Variants in FADS2 observed in about 807,000 individuals in gnomAD.
The protein encoded by FADS2 is fatty acid desaturase 2.
A neutral mutation model predicts 61.2 loss-of-function variants in FADS2; 18 were observed. The ratio of observed to expected loss-of-function variants is 0.29; its 90% CI spans 0.20 to 0.44. The LOEUF (loss-of-function observed/expected upper bound fraction) is 0.44, where lower values mean the gene tolerates loss of function less well. Among genes scored for constraint, FADS2 ranks in the 20% least tolerant of loss-of-function variants. The pLI, the probability that FADS2 is intolerant of heterozygous loss-of-function variation, is 1.00. For synonymous variants in FADS2, 203 were observed against 223.9 expected (o/e 0.91, Z 0.83); for missense variants, 322 against 572.7 (o/e 0.56, Z 4.47).
intron 1 of FADS2, among the ~76,000 whole-genome samples, chr11:61,831,382 C>T (rs1030753728): frequency 1.3e-5 from 2 of 152,142 alleles, no homozygotes; most frequent in African/African-American, 4.8e-5. Flanking sequence ...GTTCTGAGCC[C>T]ATCACAGTGC....
At chr11:61,856,780 C>A in intron 5 of FADS2, 1 of 556,060 alleles carries the variant, frequency 1.8e-6, no homozygotes, top group South Asian at 2.5e-5. Flanking sequence ...GCCATCGGGC[C>A]AGTGCTCGGC....
At chr11:61,832,984 G>A (rs1391149049) in intron 1 of FADS2, among the ~76,000 whole-genome samples, 2 of 152,234 alleles carry the variant, frequency 1.3e-5, no homozygotes, top group Non-Finnish European at 2.9e-5. Context: ...AGTGGATGGC[G>A]AGCAACTGTG....
At chr11:61,862,933 G>T in intron 7 of FADS2, 39 bp from the exon 8 acceptor site, 2 of 1,540,440 alleles carry the variant, frequency 1.3e-6, no homozygotes, top group South Asian at 2.2e-5. Context: ...CAGGGCAGAG[G>T]AGAGGGCAGG....
chr11:61,837,181 G>A (rs748319347), intron 1 of FADS2, among the ~76,000 whole-genome samples: 2 of 152,138 alleles, frequency 1.3e-5, no homozygotes, highest in Non-Finnish European at 2.9e-5. Flanking sequence ...ATAAAGCAAG[G>A]CATAATCCAG....
intron 1 of FADS2, among the ~76,000 whole-genome samples, chr11:61,831,683 A>T (rs2067131004): frequency 6.6e-6 from 1 of 152,118 alleles, no homozygotes; most frequent in Non-Finnish European, 1.5e-5. Flanking sequence ...ACTTCATTTC[A>T]TACTCGGATC....
chr11:61,860,463 C>G (rs531222237), intron 7 of FADS2, among the ~76,000 whole-genome samples: 1 of 152,350 alleles, frequency 6.6e-6, no homozygotes, highest in Non-Finnish European at 1.5e-5. Context: ...TCTGACACCA[C>G]TGGCCACTCC....
chr11:61,837,879 CGGCAAGAACGTAAGTCT>C lies in FADS2; in HGVS notation c.313_318+11del. 6.2e-7 allele frequency: 1 copy of C among 1,612,340 alleles called. No individual in the cohort carries two copies. Among genetic ancestry groups the C allele is most frequent in the Non-Finnish European group, 8.5e-7 (1 of 1,178,906 alleles). On this transcript the variant is annotated splice_donor_variant and splice_donor_5th_base_variant and coding_sequence_variant and intron_variant, in exon 2 of 12. Coordinates refer to ENST00000278840, the MANE Select transcript of FADS2 (RefSeq NM_004265.4). LOFTEE classifies it high-confidence loss of function. ...CCCCGGAGGAGCCCAGCCAGGACCA[CGGCAAGAACGTAAGTCT>C]GGCTTGCAACCTGGGTGGGGGTGGA...
chr11:61,859,346 C>T (rs150535208), intron 7 of FADS2, among the ~76,000 whole-genome samples: 3,604 of 152,174 alleles, frequency 0.024, 144 homozygotes, highest in African/African-American at 0.081. Context: ...CGTGAGCCAC[C>T]GCGCCCGGCC....
upstream of FADS2, chr11:61,826,133 C>T (rs2067083253): frequency 1.4e-6 from 1 of 702,538 alleles, no homozygotes; most frequent in South Asian, 1.5e-5. Flanking sequence ...CAAGCCTCCT[C>T]CATGGTAAAG....
intron 1 of FADS2, among the ~76,000 whole-genome samples, chr11:61,835,067 T>C (rs1192546298): frequency 3.8e-5 from 2 of 53,036 alleles, no homozygotes; most frequent in Admixed American, 3.7e-4. Flanking sequence ...CCCCAGGGAC[T>C]TCTCCCTGCC....
In FADS2 at chr11:61,840,424, C is replaced by T. The variant is rs2067208989; in HGVS notation, c.409C>T (p.Leu137=). The stretch of plus-strand genomic sequence containing the variant: ...CAACCACGTGTTCTTCCTCCTCCTC[C>T]TGGCCCACATCATCGCCCTGGAGAG... The part of the protein sequence containing the change: ...KTNHVFFLLL[L]AHIIALESIA... Residue 137 remains leucine (L), a synonymous_variant, in exon 3 of 12, where the codon CTG becomes TTG. Transcript: ENST00000278840. 6.2e-7 allele frequency: 1 copy of T among 1,614,216 alleles called. No individual in the cohort carries two copies. The highest frequency in any genetic ancestry group is 1.1e-5 in the South Asian group (1 of 91,090).
At chr11:61,852,065 T>G (rs2135970660) in intron 5 of FADS2, among the ~76,000 whole-genome samples, 1 of 152,232 alleles carries the variant, frequency 6.6e-6, no homozygotes, top group East Asian at 1.9e-4. Context: ...GGCACCCCCA[T>G]GAGGTGGCAT....
chr11:61,856,213 G>C (rs2067357633), intron 5 of FADS2: 1 of 152,196 alleles, frequency 6.6e-6, no homozygotes, highest in Non-Finnish European at 1.5e-5. Flanking sequence ...GGATCCCCTG[G>C]GGCCGTGGTT....
chr11:61,825,924 G>T (rs138441334), upstream of FADS2: 7 of 610,786 alleles, frequency 1.1e-5, no homozygotes, highest in Non-Finnish European at 2.1e-5. Context: ...GAGGCACATG[G>T]CAGTGTCCAG....
At chr11:61,848,054 C>T (rs1169181289) in intron 4 of FADS2, 105 bp from the exon 5 acceptor site, 13 of 1,419,136 alleles carry the variant, frequency 9.2e-6, no homozygotes, top group African/African-American at 1.4e-5. Context: ...GTGCTATCCC[C>T]GAGGGTTGAA....
At chr11:61,858,088 G>A (rs970356056) in intron 7 of FADS2, among the ~76,000 whole-genome samples, 1 of 152,134 alleles carries the variant, frequency 6.6e-6, no homozygotes, top group Admixed American at 6.5e-5. Flanking sequence ...CCTCTCATCG[G>A]CTGGTTGATG....
At chr11:61,848,059 G>A (rs2067275032) in intron 4 of FADS2, 100 bp from the exon 5 acceptor site, 2 of 1,471,710 alleles carry the variant, frequency 1.4e-6, no homozygotes, top group African/African-American at 1.4e-5. Flanking sequence ...ATCCCCGAGG[G>A]TTGAAGGTTC....
chr11:61,866,706 G>A lies in FADS2; in HGVS notation c.*1017G>A, dbSNP rs1306931711. The A allele has an allele frequency of 6.5e-6, 1 of 152,700 alleles. No homozygotes were observed. Among genetic ancestry groups the A allele is most frequent in the Non-Finnish European group, 1.5e-5 (1 of 68,320 alleles). The allele number at this position is 152,700 out of a possible 1,614,324, so 9.5% of individuals were successfully genotyped here. A position where few individuals can be genotyped will look rare whatever the true frequency, so the allele number is the denominator to read the frequency against. ...TCGTCCCAGCCCTCCCCATCTCGGGGCTGCTGTGTGGACGGCGCTGCCTCA... is the reference window on the plus strand; with the variant it reads ...TCGTCCCAGCCCTCCCCATCTCGGGACTGCTGTGTGGACGGCGCTGCCTCA... On this transcript the variant is annotated 3_prime_UTR_variant, in exon 12 of 12. Coordinates refer to ENST00000278840, the MANE Select transcript of FADS2 (RefSeq NM_004265.4).
chr11:61,830,635 T>C (rs1366129564), intron 1 of FADS2, among the ~76,000 whole-genome samples: 1 of 152,242 alleles, frequency 6.6e-6, no homozygotes, highest in African/African-American at 2.4e-5. Context: ...GGTTGCTTTG[T>C]TACTTTCATA....
Sources: gnomAD v4.1 joint callset for allele counts (sites outside exome capture counted in the v4.1 genomes callset) on GRCh38, gnomAD v4.1.1 for gene constraint, MANE v1.5 for transcripts, NCBI Gene and HGNC (gene_info 2026-07-23, HGNC 2026-07-21) for gene names.